Variants in CCDC88C observed in about 807,000 individuals in gnomAD.
CCDC88C encodes coiled-coil and HOOK domain protein 88C.
Under a neutral mutation model 198.8 loss-of-function variants are expected in CCDC88C, and 131 were observed. That is an observed-to-expected ratio of 0.66 (90% confidence interval 0.57 to 0.76). The LOEUF (loss-of-function observed/expected upper bound fraction) is 0.76, where lower values mean the gene tolerates loss of function less well. Ranked by LOEUF, CCDC88C falls within the 30% of genes least tolerant of loss-of-function variation. The probability of loss-of-function intolerance (pLI) is 0.00; values close to 1 mark genes in which losing one functional copy is unlikely to be tolerated. For missense variants in CCDC88C, 2,553 were observed against 2,631.6 expected (o/e 0.97, Z 0.65); for synonymous variants, 1,166 against 1,114.7 (o/e 1.05, Z -0.92).
chr14:91,410,031 T>C (rs1304274043), intron 2 of CCDC88C, among the ~76,000 whole-genome samples: 1 of 152,190 alleles, frequency 6.6e-6, no homozygotes, highest in Non-Finnish European at 1.5e-5. Flanking sequence ...GAAGTGTCAT[T>C]TATTTTCCAA....
At chr14:91,358,314 C>T (rs898037840) in intron 4 of CCDC88C, among the ~76,000 whole-genome samples, 2 of 152,126 alleles carry the variant, frequency 1.3e-5, no homozygotes, top group African/African-American at 2.4e-5. Flanking sequence ...AGAGGAAGCC[C>T]GAGTCCCTTT....
At chr14:91,414,891 T>C (rs967638041) in intron 2 of CCDC88C, among the ~76,000 whole-genome samples, 2 of 152,158 alleles carry the variant, frequency 1.3e-5, no homozygotes, top group Admixed American at 6.5e-5. Context: ...CGGCCGAATT[T>C]AGCCATGGGC....
rs1373648297 is a variant in CCDC88C, at chr14:91,371,240, G to A, written c.271-11529C>T. Among the ~76,000 whole-genome samples the A allele has an allele frequency of 1.4e-5, 2 of 146,974 alleles. No individual in the cohort carries two copies. The highest frequency in any genetic ancestry group is 3.0e-5 in the Non-Finnish European group (2 of 66,696). On this transcript the variant is annotated intron_variant, in intron 3 of 29. Transcript: ENST00000389857. This position sits in a 1 kb window ranked among gnomAD's most constrained non-coding sequence, Gnocchi z 4.2. ...ATGACTGTGACTTCATGGTGGTAGA[G>A]TACTTTTTTTTTTTAAGCTTCTTGG... is the stretch of plus-strand genomic sequence containing the variant.
chr14:91,374,830 G>A (rs1326931330), intron 3 of CCDC88C, among the ~76,000 whole-genome samples: 3 of 152,176 alleles, frequency 2.0e-5, no homozygotes, highest in Non-Finnish European at 1.5e-5. Flanking sequence ...ACAGATGACT[G>A]GTAGTGGTTA....
rs895512913 is a variant in CCDC88C at position 91,273,876 on chromosome 14, T to C, written c.5059-223A>G. 4.0e-5 allele frequency among the ~76,000 whole-genome samples: 6 copies of C among 151,732 alleles called. No individual in the cohort carries two copies. The highest frequency in any genetic ancestry group is 1.5e-4 in the African/African-American group (6 of 41,306). ...GGGACCACCAGGAAAGAACCCCAGATTCCCCCCAGGCAACCCCCTAACTTT... is the reference window on the plus strand; with the variant it reads ...GGGACCACCAGGAAAGAACCCCAGACTCCCCCCAGGCAACCCCCTAACTTT... On this transcript the variant is annotated intron_variant, in intron 29 of 29. Coordinates refer to ENST00000389857, the MANE Select transcript of CCDC88C (RefSeq NM_001080414.4). This position sits in a 1 kb window ranked among gnomAD's most constrained non-coding sequence, Gnocchi z 5.6.
chr14:91,305,806 C>G lies in CCDC88C; in HGVS notation c.3316G>C (p.Glu1106Gln). The change falls in exon 19 of 30, where the codon GAG becomes CAG. Residue 1106 changes from glutamate to glutamine, a missense_variant. This residue lies in a region of CCDC88C where 1,260 missense variants were observed against 1,412.0 expected (regional missense o/e 0.89). Coordinates refer to ENST00000389857, the MANE Select transcript of CCDC88C (RefSeq NM_001080414.4). ...TLQKQSAFLQ[E>Q]HNTTLQTQTA... ...TGGGTCTGCAGTGTGGTGTTGTGCT[C>G]CTGCAGGAAGGCGCTCTGTTTCTGC... 2 of 1,613,734 alleles carry G rather than the reference C, an allele frequency of 1.2e-6. No individual in the cohort carries two copies. The highest frequency in any genetic ancestry group is 1.7e-6 in the Non-Finnish European group (2 of 1,179,656).
At chr14:91,318,917 CAAAAAAAA>C (rs61183857) in intron 13 of CCDC88C, among the ~76,000 whole-genome samples, 3 of 105,286 alleles carry the variant, frequency 2.8e-5, no homozygotes, top group South Asian at 3.2e-4. Flanking sequence ...AGACTCCGTC[CAAAAAAAA>C]AAAAAAAAAA....
chr14:91,271,491 A>G lies in CCDC88C; in HGVS notation c.*1134T>C, dbSNP rs1232469723. The G allele has an allele frequency of 6.6e-6, 1 of 152,150 alleles. No individual in the cohort carries two copies. Among genetic ancestry groups the G allele is most frequent in the African/African-American group, 2.4e-5 (1 of 41,422 alleles). The allele number at this position is 152,150 out of a possible 1,614,324, so 9.4% of individuals were successfully genotyped here. A position where few individuals can be genotyped will look rare whatever the true frequency, so the allele number is the denominator to read the frequency against. Reference sequence around the variant, plus strand: ...AGGAAAAAAAAATCTTAAAAAAAAAAAATCAATAGGTTTAGTTCACCCCAG... The same window carrying G: ...AGGAAAAAAAAATCTTAAAAAAAAAGAATCAATAGGTTTAGTTCACCCCAG... On this transcript the variant is annotated 3_prime_UTR_variant, in exon 30 of 30. Coordinates refer to ENST00000389857, the MANE Select transcript of CCDC88C (RefSeq NM_001080414.4).
At chr14:91,285,857 T>A in intron 25 of CCDC88C, 1 of 1,253,802 alleles carries the variant, frequency 8.0e-7, no homozygotes, top group Non-Finnish European at 1.0e-6. Context: ...ATCAATCGGA[T>A]AACCCAAAGG....
rs541697548 is a variant in CCDC88C, at chr14:91,338,015, G to A, written c.1040C>T (p.Ala347Val). 3 of 1,611,666 alleles carry A rather than the reference G, an allele frequency of 1.9e-6. No homozygotes were observed. In the East Asian group the frequency reaches 6.7e-5, roughly 36 times the overall value. ...EKLHDVDFYK[A>V]RMEELREDNI... ...AGCAAGGCTCCCTACCTCCATGCGGGCCTTGTAGAAGTCCACGTCGTGCAG... is the reference window on the plus strand; with the variant it reads ...AGCAAGGCTCCCTACCTCCATGCGGACCTTGTAGAAGTCCACGTCGTGCAG... The change falls in exon 10 of 30, where the codon GCC (alanine) becomes GTC (valine). Residue 347 changes from alanine to valine, a missense_variant. This residue lies in a region of CCDC88C where 1,260 missense variants were observed against 1,412.0 expected (regional missense o/e 0.89). Transcript: ENST00000389857. This position sits in a 1 kb window ranked among gnomAD's most constrained non-coding sequence, Gnocchi z 4.8.
chr14:91,377,924 C>CG (rs1884544966), intron 3 of CCDC88C, among the ~76,000 whole-genome samples: 1 of 152,190 alleles, frequency 6.6e-6, no homozygotes, highest in Admixed American at 6.5e-5. Context: ...CAGGAGCACA[C>CG]GACGCTGCTC....
intron 17 of CCDC88C, among the ~76,000 whole-genome samples, chr14:91,307,719 A>T (rs1336934693): frequency 2.6e-5 from 4 of 152,150 alleles, no homozygotes; most frequent in Non-Finnish European, 5.9e-5. Flanking sequence ...CACCTGTGAG[A>T]GTGTGCACAT....
chr14:91,293,604 C>A (rs1890865790), intron 23 of CCDC88C, among the ~76,000 whole-genome samples: 1 of 145,474 alleles, frequency 6.9e-6, no homozygotes, highest in African/African-American at 2.5e-5. Context: ...CATGGCCCAC[C>A]TCCTGTGGGC....
At chr14:91,299,823 C>T (rs1027449586) in intron 21 of CCDC88C, 104 bp downstream of exon 21, 1 of 1,383,146 alleles carries the variant, frequency 7.2e-7, no homozygotes, top group Non-Finnish European at 9.5e-7. Context: ...GGATAAAAAT[C>T]CACGATCGCC....
intron 3 of CCDC88C, among the ~76,000 whole-genome samples, chr14:91,361,647 G>A (rs1181068732): frequency 2.0e-5 from 3 of 152,276 alleles, no homozygotes; most frequent in Non-Finnish European, 4.4e-5. Flanking sequence ...TGTCAGCAAC[G>A]GCTAATGCTT....
Position 91,294,200 on chromosome 14 carries a change from T to C in CCDC88C, c.4085A>G (p.Gln1362Arg). The C allele has an allele frequency of 6.2e-7, 1 of 1,614,022 alleles. No homozygotes were observed. The highest frequency in any genetic ancestry group is 8.5e-7 in the Non-Finnish European group (1 of 1,179,866). The change falls in exon 23 of 30, where the codon CAG (glutamine) becomes CGG (arginine). Residue 1362 changes from glutamine to arginine, a missense_variant. Coordinates refer to ENST00000389857, the MANE Select transcript of CCDC88C (RefSeq NM_001080414.4). Reference protein sequence around the residue: ...LLEQNMENKEQYHEEQKQYID... With the variant: ...LLEQNMENKERYHEEQKQYID... ...GTACTGCTTCTGCTCCTCATGGTAC[T>C]GCTCCTTGTTCTCCATGTTCTGCTC... is the stretch of plus-strand genomic sequence containing the variant.
Position 91,416,438 on chromosome 14 carries a change from C to A in CCDC88C, c.161+300G>T, listed in dbSNP as rs76724737. Among the ~76,000 whole-genome samples the A allele has an allele frequency of 6.7e-3, 1,023 of 152,256 alleles. 12 individuals carry two copies. Among genetic ancestry groups the A allele is most frequent in the African/African-American group, 0.023 (960 of 41,528 alleles). The stretch of plus-strand genomic sequence containing the variant: ...AAAAGGGGACTTTTTCATTTCATTG[C>A]TCAAACCACAATTAAGTCCTTGAGT... On this transcript the variant is annotated intron_variant, in intron 2 of 29. Transcript: ENST00000389857.
intron 27 of CCDC88C, 181 bp downstream of exon 27, chr14:91,281,276 A>C: frequency 6.8e-7 from 1 of 1,470,218 alleles, no homozygotes; most frequent in Non-Finnish European, 9.2e-7. Flanking sequence ...CCACCACTGG[A>C]GGTATGTAAG....
rs78935402 is a variant in CCDC88C at position 91,308,881 on chromosome 14, G to A, written c.2865-389C>T. Among the ~76,000 whole-genome samples, 1,025 of 152,276 alleles carry A rather than the reference G, an allele frequency of 6.7e-3. 10 individuals are homozygous for A. Among genetic ancestry groups the A allele is most frequent in the African/African-American group, 0.024 (985 of 41,540 alleles). ...AGAGGACTCCTACTATAAGGCATGT[G>A]GATCTTCTCGGTTACAAGTCCAGGA... On this transcript the variant is annotated intron_variant, in intron 16 of 29. Transcript: ENST00000389857.
Sources: gnomAD v4.1 joint callset for allele counts (sites outside exome capture counted in the v4.1 genomes callset) on GRCh38, gnomAD v4.1.1 for gene constraint, gnomAD v4.1.1 regional missense constraint, Gnocchi (gnomAD v3.1) non-coding constraint, MANE v1.5 for transcripts, NCBI Gene and HGNC (gene_info 2026-07-23, HGNC 2026-07-21) for gene names.